Variants in NINJ2 observed in about 807,000 individuals in gnomAD.
NINJ2 encodes the protein ninjurin-2.
In NINJ2, 12 loss-of-function variants were observed where a neutral mutation model predicts 11.7. That is an observed-to-expected ratio of 1.02 (90% confidence interval 0.66 to 1.66). NINJ2 has a LOEUF of 1.66. NINJ2 is among the 40% of genes most tolerant of loss of function. The pLI is 0.00. For synonymous variants in NINJ2, 93 were observed against 76.8 expected, an observed-to-expected ratio of 1.21 and a Z score of -1.10; for missense variants, 187 against 181.8, an observed-to-expected ratio of 1.03 and a Z score of -0.16.
chr12:608,477 C>T (rs1038114706), intron 1 of NINJ2, among the ~76,000 whole-genome samples: 2 of 152,210 alleles, frequency 1.3e-5, no homozygotes, highest in Non-Finnish European at 2.9e-5. Flanking sequence ...AATTGCAGTC[C>T]TCATTTTACA....
chr12:649,531 G>GTGTA lies in NINJ2; in HGVS notation c.33+13796_33+13797insTACA, dbSNP rs139452771. ...AGTGAATATGTGTGTGTGTATATGT[G>GTGTA]TATATATATATATATATATATAGTA... On this transcript the variant is annotated intron_variant, in intron 1 of 3. Transcript: ENST00000305108. Among the ~76,000 whole-genome samples the GTGTA allele has an allele frequency of 1.5e-3, 187 of 127,680 alleles. 3 individuals carry two copies. Among genetic ancestry groups the GTGTA allele is most frequent in the African/African-American group, 3.9e-3 (137 of 35,376 alleles). 83.8% of individuals were successfully genotyped at this position (127,680 alleles called of 152,430 possible).
At chr12:606,676 C>T (rs1421401951) in intron 1 of NINJ2, among the ~76,000 whole-genome samples, 3 of 152,218 alleles carry the variant, frequency 2.0e-5, no homozygotes, top group African/African-American at 7.2e-5. Context: ...AGCTACAATT[C>T]TATACTCAAC....
chr12:568,755 G>A (rs1290086151), intron 1 of NINJ2, among the ~76,000 whole-genome samples: 4 of 152,200 alleles, frequency 2.6e-5, no homozygotes, highest in African/African-American at 7.2e-5. Context: ...TCAGGAGTGT[G>A]CACTTTGGCC....
intron 1 of NINJ2, among the ~76,000 whole-genome samples, chr12:568,952 C>T (rs1404210286): frequency 6.8e-6 from 1 of 146,702 alleles, no homozygotes; most frequent in Non-Finnish European, 1.5e-5. Flanking sequence ...CTCCTTTTGA[C>T]AGCCACCAAA....
chr12:654,914 A>G (rs1428898218), intron 1 of NINJ2, among the ~76,000 whole-genome samples: 1 of 152,038 alleles, frequency 6.6e-6, no homozygotes, highest in Non-Finnish European at 1.5e-5. Flanking sequence ...AGAGAATAAA[A>G]TAAAAACAAA....
intron 1 of NINJ2, among the ~76,000 whole-genome samples, chr12:606,386 C>G (rs1947942716): frequency 6.6e-6 from 1 of 152,128 alleles, no homozygotes; most frequent in Admixed American, 6.5e-5. Flanking sequence ...ATCCAACATC[C>G]TAACACTGAG....
chr12:599,537 C>T (rs1187194158), intron 1 of NINJ2, among the ~76,000 whole-genome samples: 3 of 152,206 alleles, frequency 2.0e-5, no homozygotes, highest in Non-Finnish European at 4.4e-5. Flanking sequence ...TGTAAGACCT[C>T]ACAACATGAT....
chr12:585,507 C>T lies in NINJ2; in HGVS notation c.34-19329G>A, dbSNP rs7487520. Among the ~76,000 whole-genome samples, 1 of 148,214 alleles carries T rather than the reference C, an allele frequency of 6.7e-6. No individual in the cohort carries two copies. The highest frequency in any genetic ancestry group is 2.5e-5 in the African/African-American group (1 of 40,320). ...AACGGTTGGAGGGAAGGGAAGGGAA[C>T]GGTTGGAGGGAAGGGAAGGGAACGG... On this transcript the variant is annotated intron_variant, in intron 1 of 3. Coordinates refer to ENST00000305108, the MANE Select transcript of NINJ2 (RefSeq NM_016533.6). The surrounding 1 kb of genome is among the most constrained non-coding windows in gnomAD (Gnocchi z 4.1).
At chr12:638,941 TAGTA>T (rs1163441014) in intron 1 of NINJ2, among the ~76,000 whole-genome samples, 3 of 152,194 alleles carry the variant, frequency 2.0e-5, no homozygotes, top group Admixed American at 6.5e-5. Context: ...TGTATATCCA[TAGTA>T]AGTAATACTC....
intron 1 of NINJ2, among the ~76,000 whole-genome samples, chr12:575,115 G>A (rs1010754273): frequency 1.3e-5 from 2 of 152,244 alleles, no homozygotes; most frequent in African/African-American, 4.8e-5. Flanking sequence ...AACTTCCATG[G>A]TGTTTGAAAT....
intron 1 of NINJ2, among the ~76,000 whole-genome samples, chr12:641,803 C>T (rs1948420432): frequency 6.6e-6 from 1 of 151,218 alleles, no homozygotes; most frequent in African/African-American, 2.4e-5. Flanking sequence ...CGAGATGGCG[C>T]CACTGCACTC....
intron 1 of NINJ2, among the ~76,000 whole-genome samples, chr12:616,426 T>C (rs1299295707): frequency 1.3e-5 from 2 of 151,014 alleles, no homozygotes; most frequent in Admixed American, 1.3e-4. Context: ...GGTCCAGGGG[T>C]TTGGTCTTGG....
rs570189685 is a variant in NINJ2, at chr12:580,596, A to T, written c.34-14418T>A. Among the ~76,000 whole-genome samples the T allele has an allele frequency of 1.5e-3, 117 of 77,748 alleles. 1 individual carries two copies. The highest frequency in any genetic ancestry group is 0.011 in the South Asian group (27 of 2,464). 51.0% of individuals were successfully genotyped at this position (77,748 alleles called of 152,430 possible). A position where few individuals can be genotyped will look rare whatever the true frequency, so the allele number is the denominator to read the frequency against. On this transcript the variant is annotated intron_variant, in intron 1 of 3. Coordinates refer to ENST00000305108, the MANE Select transcript of NINJ2 (RefSeq NM_016533.6). The surrounding 1 kb of genome is among the most constrained non-coding windows in gnomAD (Gnocchi z 4.7). The stretch of plus-strand genomic sequence containing the variant: ...AGAGAGACCCTGTCTCAAAAAAAAA[A>T]AAATATATATATATATATATCCATT...
At chr12:570,676 C>A (rs1947363877) in intron 1 of NINJ2, among the ~76,000 whole-genome samples, 1 of 152,126 alleles carries the variant, frequency 6.6e-6, no homozygotes, top group Non-Finnish European at 1.5e-5. Flanking sequence ...TGCCGCCCTC[C>A]CCTGGCCCTG....
At chr12:577,617 T>C (rs1211345342) in intron 1 of NINJ2, among the ~76,000 whole-genome samples, 2 of 151,458 alleles carry the variant, frequency 1.3e-5, no homozygotes, top group East Asian at 3.9e-4. Flanking sequence ...GGCCCCAGTG[T>C]CTAAATCCTA....
At chr12:594,741 A>C (rs1434680361) in intron 1 of NINJ2, among the ~76,000 whole-genome samples, 1 of 152,262 alleles carries the variant, frequency 6.6e-6, no homozygotes, top group Non-Finnish European at 1.5e-5. Flanking sequence ...ATTTGTCAAG[A>C]CATCGGTTCT....
chr12:652,829 C>T (rs1036858021), intron 1 of NINJ2, among the ~76,000 whole-genome samples: 2 of 150,728 alleles, frequency 1.3e-5, no homozygotes, highest in African/African-American at 4.9e-5. Context: ...GCGCCTGTAA[C>T]CCAGCTACTT....
At chr12:652,635 TC>T (rs1161828189) in intron 1 of NINJ2, among the ~76,000 whole-genome samples, 1 of 152,134 alleles carries the variant, frequency 6.6e-6, no homozygotes, top group East Asian at 1.9e-4. Flanking sequence ...TTTTTCTTAT[TC>T]TTTTTTAAAA....
chr12:648,534 C>T (rs912647586), intron 1 of NINJ2, among the ~76,000 whole-genome samples: 2 of 152,266 alleles, frequency 1.3e-5, no homozygotes, highest in Non-Finnish European at 2.9e-5. Context: ...ATGAACTGAC[C>T]GAATGAATGG....
Sources: allele counts gnomAD v4.1 joint callset (sites outside exome capture counted in the v4.1 genomes callset), GRCh38; gene constraint gnomAD v4.1.1; non-coding constraint Gnocchi (gnomAD v3.1); transcripts MANE v1.5; gene names NCBI Gene and HGNC (gene_info 2026-07-23, HGNC 2026-07-21).